The following KLF12 variants were observed in gnomAD, a reference collection of about 807,000 sequenced individuals.
The protein encoded by KLF12 is Krueppel-like factor 12.
KLF12 carries 9 observed loss-of-function variants against 37.8 expected under a neutral mutation model. The ratio of observed to expected loss-of-function variants is 0.24; its 90% CI spans 0.14 to 0.42. The LOEUF is 0.42. Among genes scored for constraint, KLF12 ranks in the 10% least tolerant of loss-of-function variants. KLF12 has a pLI of 1.00. For missense variants in KLF12, 411 were observed against 516.0 expected (o/e 0.80, Z 1.97); for synonymous variants, 208 against 202.1 (o/e 1.03, Z -0.25).
chr13:74,042,765 G>C lies in KLF12; in HGVS notation c.-31-47712C>G, dbSNP rs184725757. 4.2e-3 allele frequency among the ~76,000 whole-genome samples: 635 copies of C among 152,296 alleles called. 2 individuals are homozygous for C. The highest frequency in any genetic ancestry group is 0.013 in the African/African-American group (529 of 41,556). ...TTGCAATGTGTCATTCAATCAGACAGATAAGATCTATGCTTCAGAGAACAG... is the reference window on the plus strand; with the variant it reads ...TTGCAATGTGTCATTCAATCAGACACATAAGATCTATGCTTCAGAGAACAG... On this transcript the variant is annotated intron_variant, in intron 1 of 7. Coordinates refer to ENST00000377669, the MANE Select transcript of KLF12 (RefSeq NM_007249.5).
chr13:74,127,584 A>C (rs986076976), intron 1 of KLF12, among the ~76,000 whole-genome samples: 3 of 152,376 alleles, frequency 2.0e-5, no homozygotes, highest in Non-Finnish European at 4.4e-5. Flanking sequence ...AGTCTAAATC[A>C]GTTATATTGA....
the KLF12 span, among the ~76,000 whole-genome samples, chr13:74,273,448 C>T: frequency 6.9e-6 from 1 of 145,320 alleles, no homozygotes; most frequent in Non-Finnish European, 1.5e-5. Flanking sequence ...TTATATCCAG[C>T]TTTTTTTTTT....
intron 2 of KLF12, among the ~76,000 whole-genome samples, chr13:73,968,813 T>C (rs4885139): frequency 2.6e-5 from 4 of 151,964 alleles, no homozygotes; most frequent in African/African-American, 4.8e-5. Context: ...CCAAGTCCAC[T>C]TCTCTTCTCC....
At chr13:74,044,875 A>G (rs1243945657) in intron 1 of KLF12, among the ~76,000 whole-genome samples, 1 of 151,906 alleles carries the variant, frequency 6.6e-6, no homozygotes, top group East Asian at 1.9e-4. Flanking sequence ...AAAAAAAAAA[A>G]GTTACCAATG....
chr13:74,086,652 G>A (rs972282348), intron 1 of KLF12, among the ~76,000 whole-genome samples: 12 of 151,860 alleles, frequency 7.9e-5, no homozygotes, highest in African/African-American at 2.9e-4. Flanking sequence ...ACATACTGTT[G>A]ACCCCTGAAC....
intron 3 of KLF12, among the ~76,000 whole-genome samples, chr13:73,851,037 G>A (rs1161296200): frequency 6.6e-6 from 1 of 152,088 alleles, no homozygotes. Flanking sequence ...AAATTCTCTA[G>A]GTCTTAGCTT....
the KLF12 span, among the ~76,000 whole-genome samples, chr13:74,272,714 G>T: frequency 6.6e-6 from 1 of 152,152 alleles, no homozygotes. Context: ...ATTTTGAAAA[G>T]TAAAATCTTA....
chr13:73,880,440 G>A (rs1349977169), intron 3 of KLF12, among the ~76,000 whole-genome samples: 3 of 152,206 alleles, frequency 2.0e-5, no homozygotes, highest in Non-Finnish European at 4.4e-5. Flanking sequence ...GCGTAGGGGT[G>A]AAAACTGTAT....
intron 6 of KLF12, among the ~76,000 whole-genome samples, chr13:73,735,951 CTT>C (rs542835566): frequency 1.5e-5 from 2 of 132,862 alleles, no homozygotes; most frequent in Non-Finnish European, 3.4e-5. Flanking sequence ...TTCTTTCTTT[CTT>C]TTTCTTTTTT....
intron 7 of KLF12, among the ~76,000 whole-genome samples, chr13:73,712,403 T>C (rs1279456200): frequency 1.3e-5 from 2 of 148,206 alleles, no homozygotes; most frequent in Admixed American, 6.7e-5. Context: ...TCCTGCAATC[T>C]CATGATAAAA....
chr13:74,198,260 G>A, the KLF12 span, among the ~76,000 whole-genome samples: 1 of 152,140 alleles, frequency 6.6e-6, no homozygotes, highest in East Asian at 1.9e-4. Flanking sequence ...AAACCCTGGG[G>A]TATGGTGAAA....
chr13:73,788,913 G>T (rs954802923), intron 5 of KLF12, among the ~76,000 whole-genome samples: 2 of 152,138 alleles, frequency 1.3e-5, no homozygotes. Flanking sequence ...GTAAGTCTCA[G>T]CAAATTCTGC....
intron 1 of KLF12, among the ~76,000 whole-genome samples, chr13:74,038,449 C>A (rs530735776): frequency 6.6e-6 from 1 of 152,236 alleles, no homozygotes; most frequent in Non-Finnish European, 1.5e-5. Context: ...AACTCACAGC[C>A]TGGTCATCCA....
intron 5 of KLF12, among the ~76,000 whole-genome samples, chr13:73,792,794 A>G (rs1881763052): frequency 6.6e-6 from 1 of 152,244 alleles, no homozygotes; most frequent in Non-Finnish European, 1.5e-5. Flanking sequence ...TTCAAAGTTA[A>G]TAAAAATTTC....
At chr13:74,198,070 G>A in the KLF12 span, among the ~76,000 whole-genome samples, 4 of 152,020 alleles carry the variant, frequency 2.6e-5, no homozygotes, top group African/African-American at 9.7e-5. Flanking sequence ...CAATGAAAGA[G>A]ACAAAGAAAA....
intron 2 of KLF12, among the ~76,000 whole-genome samples, chr13:73,970,036 G>A (rs1349653687): frequency 6.6e-6 from 1 of 152,100 alleles, no homozygotes; most frequent in Non-Finnish European, 1.5e-5. Context: ...ACCTCCTCAT[G>A]CCAGTGGTAC....
At chr13:74,094,170 T>C (rs1432767020) in intron 1 of KLF12, among the ~76,000 whole-genome samples, 1 of 152,132 alleles carries the variant, frequency 6.6e-6, no homozygotes, top group African/African-American at 2.4e-5. Flanking sequence ...TGCACAAATA[T>C]ATACAGACAC....
At chr13:73,770,230 T>C (rs1396256938) in intron 5 of KLF12, among the ~76,000 whole-genome samples, 3 of 152,100 alleles carry the variant, frequency 2.0e-5, no homozygotes, top group Non-Finnish European at 2.9e-5. Context: ...TTACACTCGG[T>C]TGTACTGAAT....
intron 6 of KLF12, among the ~76,000 whole-genome samples, chr13:73,761,039 T>C (rs1232745292): frequency 2.6e-5 from 4 of 152,172 alleles, no homozygotes; most frequent in African/African-American, 7.2e-5. Flanking sequence ...ATTTCTGTTA[T>C]ATCTTTAGGA....
Sources: allele counts gnomAD v4.1 joint callset (sites outside exome capture counted in the v4.1 genomes callset), GRCh38; gene constraint gnomAD v4.1.1; transcripts MANE v1.5; gene names NCBI Gene and HGNC (gene_info 2026-07-23, HGNC 2026-07-21).